Variants in CDYL observed in about 807,000 individuals in gnomAD.
CDYL encodes the protein chromodomain Y-like protein.
CDYL carries 8 observed loss-of-function variants against 47.3 expected under a neutral mutation model. The observed-to-expected ratio is 0.17, with a 90% CI of 0.10 to 0.31. The LOEUF (loss-of-function observed/expected upper bound fraction) is 0.31. CDYL is among the 10% of genes least tolerant of loss of function. CDYL has a pLI of 1.00. For missense variants in CDYL, 471 were observed against 701.4 expected, an observed-to-expected ratio of 0.67 and a Z score of 3.71; for synonymous variants, 266 against 265.0, an observed-to-expected ratio of 1.00 and a Z score of -0.04.
intron 1 of CDYL, among the ~76,000 whole-genome samples, chr6:4,796,435 G>T (rs1283962452): frequency 6.6e-6 from 1 of 152,100 alleles, no homozygotes; most frequent in Non-Finnish European, 1.5e-5. Context: ...GTACATATAT[G>T]TCAAATGTAT....
At chr6:4,856,406 G>T (rs1263551281) in intron 1 of CDYL, among the ~76,000 whole-genome samples, 1 of 152,190 alleles carries the variant, frequency 6.6e-6, no homozygotes, top group Non-Finnish European at 1.5e-5. Flanking sequence ...GGCCATGGAA[G>T]TGCACAGTCC....
intron 1 of CDYL, among the ~76,000 whole-genome samples, chr6:4,706,428 G>T (rs6597087): frequency 1 from 151,381 of 151,810 alleles, 75,477 homozygotes; most frequent in East Asian, 1. Flanking sequence ...AGTTTGGGTG[G>T]TTTTTTTTTC....
intron 5 of CDYL, among the ~76,000 whole-genome samples, chr6:4,949,793 C>G (rs192045806): frequency 4.6e-5 from 7 of 152,228 alleles, no homozygotes; most frequent in African/African-American, 1.4e-4. Context: ...ACATATCTTA[C>G]CAAGGGAGAT....
chr6:4,728,700 T>G (rs1406187253), intron 2 of CDYL, among the ~76,000 whole-genome samples: 20 of 152,160 alleles, frequency 1.3e-4, no homozygotes, highest in Admixed American at 1.3e-3. Flanking sequence ...GACAGAGGGC[T>G]TCAGTGACCA....
At chr6:4,877,325 A>AATTT (rs1205902679) in intron 1 of CDYL, among the ~76,000 whole-genome samples, 6 of 152,182 alleles carry the variant, frequency 3.9e-5, no homozygotes, top group Middle Eastern at 3.4e-3. Flanking sequence ...AGAAGTTTAA[A>AATTT]ATTTTTTTAA....
intron 1 of CDYL, among the ~76,000 whole-genome samples, chr6:4,855,114 T>C (rs779400379): frequency 1.2e-4 from 18 of 152,210 alleles, no homozygotes; most frequent in Non-Finnish European, 2.4e-4. Flanking sequence ...CTTAGGATTT[T>C]AGATTGACTA....
At chr6:4,853,833 G>T (rs1760923330) in intron 1 of CDYL, among the ~76,000 whole-genome samples, 1 of 152,232 alleles carries the variant, frequency 6.6e-6, no homozygotes, top group Non-Finnish European at 1.5e-5. Context: ...CAGCACACCT[G>T]CGTGTGCAGA....
intron 1 of CDYL, among the ~76,000 whole-genome samples, chr6:4,856,652 A>T (rs766997871): frequency 6.6e-6 from 1 of 152,174 alleles, no homozygotes; most frequent in African/African-American, 2.4e-5. Context: ...AATTCTGGAA[A>T]GACTGAACCT....
At chr6:4,719,663 G>T (rs1443421731) in intron 2 of CDYL, among the ~76,000 whole-genome samples, 1 of 152,190 alleles carries the variant, frequency 6.6e-6, no homozygotes, top group Non-Finnish European at 1.5e-5. Flanking sequence ...GATGGGGGTT[G>T]ATCCTTGGCT....
intron 2 of CDYL, among the ~76,000 whole-genome samples, chr6:4,901,939 C>G (rs369387070): frequency 1.3e-5 from 2 of 152,156 alleles, no homozygotes; most frequent in Admixed American, 6.5e-5. Flanking sequence ...AAGGTGCCCC[C>G]GCAGCTCTGG....
intron 2 of CDYL, among the ~76,000 whole-genome samples, chr6:4,904,425 C>T (rs1318979753): frequency 6.6e-6 from 1 of 152,238 alleles, no homozygotes; most frequent in Non-Finnish European, 1.5e-5. Flanking sequence ...TAAAGCTTAT[C>T]TCCAAAGTGT....
intron 5 of CDYL, among the ~76,000 whole-genome samples, chr6:4,947,277 C>T (rs928769778): frequency 2.6e-5 from 4 of 152,192 alleles, no homozygotes; most frequent in African/African-American, 9.7e-5. Context: ...ATGGGTGGGC[C>T]ATGTCCGTAG....
At chr6:4,833,419 T>A (rs1013254326) in intron 1 of CDYL, among the ~76,000 whole-genome samples, 1 of 152,046 alleles carries the variant, frequency 6.6e-6, no homozygotes, top group South Asian at 2.1e-4. Context: ...CTAGTTTGAT[T>A]GCACTGTGGT....
chr6:4,885,741 A>G (rs1290234860), intron 1 of CDYL, among the ~76,000 whole-genome samples: 1 of 152,148 alleles, frequency 6.6e-6, no homozygotes, highest in Non-Finnish European at 1.5e-5. Flanking sequence ...CCCTTTCTTT[A>G]AACTGCTTTT....
intron 1 of CDYL, among the ~76,000 whole-genome samples, chr6:4,838,158 T>A (rs1192107366): frequency 2.0e-5 from 3 of 152,190 alleles, no homozygotes; most frequent in Non-Finnish European, 4.4e-5. Flanking sequence ...TATGTCTTTT[T>A]ATTTTTTTAT....
At chr6:4,709,944 G>A (rs1259577514) in intron 1 of CDYL, among the ~76,000 whole-genome samples, 5 of 152,150 alleles carry the variant, frequency 3.3e-5, no homozygotes, top group Admixed American at 2.6e-4. Flanking sequence ...TCTTTGGCCA[G>A]GCACGGTGGC....
chr6:4,927,281 G>A (rs748391487), intron 2 of CDYL, among the ~76,000 whole-genome samples: 105 of 151,772 alleles, frequency 6.9e-4, no homozygotes, highest in Non-Finnish European at 1.1e-3. Flanking sequence ...GGAATGTACC[G>A]ATTTATGTAT....
In CDYL at chr6:4,890,137, C is replaced by T. The variant is rs1285436913; in HGVS notation, c.25-1576C>T. ...GGACATTGATTTAAGGTGGGTTGGG[C>T]AGGAGGCAGGGGGAACATTAAACAT... On this transcript the variant is annotated intron_variant, in intron 1 of 6. Transcript: ENST00000397588. 3.1e-5 allele frequency: 31 copies of T among 985,318 alleles called. No homozygotes were observed. The South Asian group carries it at 5.2e-4, about 16-fold the overall frequency. 61.0% of individuals were successfully genotyped at this position (985,318 alleles called of 1,614,324 possible). A position where few individuals can be genotyped will look rare whatever the true frequency, so the allele number is the denominator to read the frequency against.
At chr6:4,708,683 A>G (rs1757092117) in intron 1 of CDYL, among the ~76,000 whole-genome samples, 1 of 152,224 alleles carries the variant, frequency 6.6e-6, no homozygotes, top group East Asian at 1.9e-4. Flanking sequence ...TTATATGCAT[A>G]TTTAAAGCAA....
Sources: allele counts gnomAD v4.1 joint callset (sites outside exome capture counted in the v4.1 genomes callset), GRCh38; gene constraint gnomAD v4.1.1; transcripts MANE v1.5; gene names NCBI Gene and HGNC (gene_info 2026-07-23, HGNC 2026-07-21).